Variants in WIPI1 observed in about 807,000 individuals in gnomAD.
The protein encoded by WIPI1 is WD repeat domain phosphoinositide-interacting protein 1.
A neutral mutation model predicts 55.3 loss-of-function variants in WIPI1; 45 were observed. That is an observed-to-expected ratio of 0.81 (90% CI 0.64 to 1.04). WIPI1 has a LOEUF of 1.04. Ranked by LOEUF, WIPI1 falls within the 50% of genes least tolerant of loss-of-function variation. WIPI1 has a pLI of 0.00. For synonymous variants in WIPI1, 195 were observed against 217.6 expected (o/e 0.90, Z 0.92); for missense variants, 445 against 559.0 (o/e 0.80, Z 2.06).
intron 8 of WIPI1, among the ~76,000 whole-genome samples, chr17:68,432,323 T>G (rs1194511424): frequency 1.3e-5 from 2 of 152,218 alleles, no homozygotes; most frequent in Non-Finnish European, 2.9e-5. Context: ...TAATCACACA[T>G]GCCTTTAAAA....
At chr17:68,433,620 A>G (rs1242803433) in intron 7 of WIPI1, 45 bp from the exon 8 acceptor site, 1 of 1,505,954 alleles carries the variant, frequency 6.6e-7, no homozygotes, top group Admixed American at 1.7e-5. Flanking sequence ...GAGAAATGGG[A>G]GTTATGGCCT....
chr17:68,442,562 G>A (rs961084805), intron 4 of WIPI1, among the ~76,000 whole-genome samples: 3 of 151,972 alleles, frequency 2.0e-5, no homozygotes, highest in African/African-American at 7.3e-5. Context: ...TGCAACAGGT[G>A]TGAGGAGTAA....
At chr17:68,442,858 G>A (rs1421084275) in intron 4 of WIPI1, among the ~76,000 whole-genome samples, 2 of 152,176 alleles carry the variant, frequency 1.3e-5, no homozygotes, top group Non-Finnish European at 2.9e-5. Context: ...AAGGGAACTC[G>A]TGACAACTAG....
chr17:68,432,755 T>C (rs2083586041), intron 8 of WIPI1, among the ~76,000 whole-genome samples: 1 of 152,186 alleles, frequency 6.6e-6, no homozygotes, highest in Non-Finnish European at 1.5e-5. Flanking sequence ...CCTGCCTTTC[T>C]CTGCAGGTTG....
At chr17:68,444,951 C>T (rs536162326) in intron 3 of WIPI1, among the ~76,000 whole-genome samples, 3 of 126,496 alleles carry the variant, frequency 2.4e-5, no homozygotes, top group East Asian at 5.1e-4. Flanking sequence ...GAAGGAGTCT[C>T]ACTCTGTCAC....
chr17:68,430,959 A>AG (rs2083482536), intron 8 of WIPI1, among the ~76,000 whole-genome samples: 1 of 152,130 alleles, frequency 6.6e-6, no homozygotes, highest in Non-Finnish European at 1.5e-5. Flanking sequence ...CCAATGGGCT[A>AG]GGGGGTCTTT....
At chr17:68,434,343 C>G (rs1335918446) in intron 7 of WIPI1, among the ~76,000 whole-genome samples, 3 of 152,190 alleles carry the variant, frequency 2.0e-5, no homozygotes, top group African/African-American at 4.8e-5. Context: ...AAGGGACTCT[C>G]ACGGCTGAAC....
At position 68,427,179 on chromosome 17, in the gene WIPI1, G is replaced by A. The variant is rs755132647; in HGVS notation, c.1148C>T (p.Ala383Val). Residue 383 changes from alanine (A) to valine (V), a missense_variant, in exon 11 of 13, where the codon GCG becomes GTG. By Grantham distance (64) the Ala-to-Val change is moderately conservative. Transcript: ENST00000262139. ...LRPSLPQSYA[A>V]TVARPSASSA... ...AGATGCACTTGGTCTGGCTACGGTCGCTGCATAAGACTGAGGTAAGGAAGG... is the reference window on the plus strand; with the variant it reads ...AGATGCACTTGGTCTGGCTACGGTCACTGCATAAGACTGAGGTAAGGAAGG... 40 of 1,614,006 alleles carry A rather than the reference G, an allele frequency of 2.5e-5. No individual in the cohort carries two copies. The highest frequency in any genetic ancestry group is 1.1e-4 in the East Asian group (5 of 44,896).
chr17:68,435,814 A>T, intron 5 of WIPI1, 102 bp from the exon 6 acceptor site: 1 of 1,058,202 alleles, frequency 9.4e-7, no homozygotes, highest in Non-Finnish European at 1.4e-6. Flanking sequence ...TCCTTTGTCC[A>T]GCTCCCTGTC....
At position 68,457,401 on chromosome 17, in the gene WIPI1, G is replaced by T. The variant is rs761830053; in HGVS notation, c.21C>A (p.Asp7Glu). Reference sequence around the variant, plus strand: ...CCGACTCAACCCCGCCCGGGGGAGCGTCCGCGGCCTCGGCCTCCATCGGGG... The same window carrying T: ...CCGACTCAACCCCGCCCGGGGGAGCTTCCGCGGCCTCGGCCTCCATCGGGG... MEAEAA[D>E]APPGGVESAL... is the part of the protein sequence containing the mutation. Residue 7 changes from aspartate (D) to glutamate (E), a missense_variant, in exon 1 of 13, where the codon GAC (aspartate) becomes GAA (glutamate). Asp to Glu is a conservative substitution (Grantham distance 45). Transcript: ENST00000262139. 6.5e-7 allele frequency: 1 copy of T among 1,528,476 alleles called. No individual in the cohort carries two copies. Among genetic ancestry groups the T allele is most frequent in the South Asian group, 1.2e-5 (1 of 82,170 alleles). The allele number at this position is 1,528,476 out of a possible 1,614,324, so 94.7% of individuals were successfully genotyped here.
intron 7 of WIPI1, among the ~76,000 whole-genome samples, chr17:68,434,233 C>T (rs754604842): frequency 9.2e-5 from 14 of 152,166 alleles, no homozygotes; most frequent in Non-Finnish European, 1.6e-4. Context: ...CACTTTACAT[C>T]GTCCTTTATT....
Position 68,435,543 on chromosome 17 carries a change from T to C in WIPI1, c.621+77A>G, listed in dbSNP as rs1014383918. 1.0e-5 allele frequency: 14 copies of C among 1,400,130 alleles called. No homozygotes were observed. In the Admixed American group the frequency reaches 2.4e-4, roughly 24 times the overall value. 86.7% of individuals were successfully genotyped at this position (1,400,130 alleles called of 1,614,324 possible). On this transcript the variant is annotated intron_variant, in intron 6 of 12. Transcript: ENST00000262139. ...CAGTCAGTCTTCATGTCACCAGGTT[T>C]GTTCAATCCCATCCCTGCGCACGGC... is the stretch of plus-strand genomic sequence containing the variant.
chr17:68,426,254 G>GGGGGGGGGGGGC, intron 11 of WIPI1, 79 bp from the exon 12 acceptor site: 1 of 816,924 alleles, frequency 1.2e-6, no homozygotes, highest in South Asian at 1.3e-5. Context: ...GGGAGCGGGG[G>GGGGGGGGGGGGC]CTCAAATAAA....
intron 1 of WIPI1, among the ~76,000 whole-genome samples, chr17:68,453,635 C>T (rs867659975): frequency 5.9e-5 from 9 of 151,980 alleles, no homozygotes; most frequent in South Asian, 2.1e-4. Flanking sequence ...TGCACCACCA[C>T]GCCAGGCTAA....
chr17:68,426,235 T>A, intron 11 of WIPI1, 60 bp from the exon 12 acceptor site: 1 of 652,396 alleles, frequency 1.5e-6, no homozygotes, highest in African/African-American at 2.7e-5. Context: ...TGCCATGACC[T>A]GGCGGGTGGG....
At position 68,423,612 on chromosome 17, in the gene WIPI1, C is replaced by T. The variant is rs1003132401; in HGVS notation, c.1294-1792G>A. 6.6e-6 allele frequency among the ~76,000 whole-genome samples: 1 copy of T among 152,236 alleles called. No homozygotes were observed. The highest frequency in any genetic ancestry group is 1.9e-4 in the East Asian group (1 of 5,200). On this transcript the variant is annotated intron_variant, in intron 12 of 12. Coordinates refer to ENST00000262139, the MANE Select transcript of WIPI1 (RefSeq NM_017983.7). This position sits in a 1 kb window ranked among gnomAD's most constrained non-coding sequence, Gnocchi z 4.4. ...CTGATGCAATTTCAACCAACTTTCA[C>T]TCATTTGGTCCTTAGGAGGGAGAAG...
intron 12 of WIPI1, chr17:68,422,826 A>G (rs2082894569): frequency 6.6e-6 from 1 of 151,966 alleles, no homozygotes; most frequent in Non-Finnish European, 1.5e-5. Context: ...TAGTCTCACA[A>G]AATACAGAGA....
At chr17:68,453,279 A>G (rs968281696) in intron 1 of WIPI1, among the ~76,000 whole-genome samples, 2 of 152,196 alleles carry the variant, frequency 1.3e-5, no homozygotes, top group African/African-American at 4.8e-5. Flanking sequence ...TCTAGCAGAC[A>G]TGTTTTTCCC....
chr17:68,440,356 G>T (rs780269666), intron 4 of WIPI1, among the ~76,000 whole-genome samples: 24 of 152,182 alleles, frequency 1.6e-4, no homozygotes, highest in South Asian at 4.1e-4. Context: ...CCTTAGCTTG[G>T]CTATTGCCAT....
Sources: allele counts gnomAD v4.1 joint callset (sites outside exome capture counted in the v4.1 genomes callset), GRCh38; gene constraint gnomAD v4.1.1; non-coding constraint Gnocchi (gnomAD v3.1); transcripts MANE v1.5; gene names NCBI Gene and HGNC (gene_info 2026-07-23, HGNC 2026-07-21).